Variants in ZNF317 observed in about 807,000 individuals in gnomAD.
ZNF317 encodes zinc finger protein 317.
A neutral mutation model predicts 23.4 loss-of-function variants in ZNF317; 17 were observed. The observed-to-expected ratio is 0.73, with a 90% CI of 0.50 to 1.09. ZNF317 has a LOEUF of 1.09. Ranked by LOEUF, ZNF317 falls within the 50% of genes least tolerant of loss-of-function variation. The pLI, the probability that ZNF317 is intolerant of heterozygous loss-of-function variation, is 0.00. For synonymous variants in ZNF317, 317 were observed against 314.9 expected (o/e 1.01, Z -0.07); for missense variants, 679 against 796.7 (o/e 0.85, Z 1.78).
intron 1 of ZNF317, among the ~76,000 whole-genome samples, chr19:9,145,617 A>G (rs1251378886): frequency 6.6e-6 from 1 of 152,146 alleles, no homozygotes; most frequent in Admixed American, 6.5e-5. Context: ...TCTCTCTTCA[A>G]TCTGTTTATA....
chr19:9,149,992 G>C (rs1196932249), intron 1 of ZNF317, among the ~76,000 whole-genome samples: 1 of 152,228 alleles, frequency 6.6e-6, no homozygotes, highest in African/African-American at 2.4e-5. Context: ...GGTGATGCAG[G>C]TGTGGTTTAT....
At chr19:9,141,746 AT>A (rs2050631595) in intron 1 of ZNF317, among the ~76,000 whole-genome samples, 2 of 152,206 alleles carry the variant, frequency 1.3e-5, no homozygotes, top group East Asian at 3.9e-4. Flanking sequence ...CAGTTAATTG[AT>A]TTACATCATT....
chr19:9,160,515 C>T lies in ZNF317; in HGVS notation c.870C>T (p.Leu290=), dbSNP rs1469187510. The T allele has an allele frequency of 6.2e-7, 1 of 1,614,206 alleles. No individual in the cohort carries two copies. Among genetic ancestry groups the T allele is most frequent in the Admixed American group, 1.7e-5 (1 of 60,024 alleles). ...AGTGTGGAAATGCATTCCGGACCCT[C>T]TCGGCCCTGAAAATCCACATGCGAG... ...CSQCGNAFRT[L]SALKIHMRVH... is the part of the protein sequence containing the mutation. The change falls in exon 7 of 7, where the codon CTC becomes CTT. Residue 290 remains leucine (L), a synonymous_variant. Coordinates refer to ENST00000247956, the MANE Select transcript of ZNF317 (RefSeq NM_020933.5). The surrounding 1 kb of genome is among the most constrained non-coding windows in gnomAD (Gnocchi z 6.8).
intron 1 of ZNF317, among the ~76,000 whole-genome samples, chr19:9,144,903 G>A (rs148099811): frequency 5.3e-5 from 8 of 151,820 alleles, no homozygotes; most frequent in African/African-American, 1.7e-4. Context: ...TTGTTTTTTG[G>A]TGCTCAGAAA....
Position 9,160,985 on chromosome 19 carries a change from G to A in ZNF317, c.1340G>A (p.Gly447Glu), listed in dbSNP as rs1358159085. 6.2e-7 allele frequency: 1 copy of A among 1,613,998 alleles called. No individual in the cohort carries two copies. Among genetic ancestry groups the A allele is most frequent in the African/African-American group, 1.3e-5 (1 of 74,988 alleles). The change falls in exon 7 of 7, where the codon GGG becomes GAG. Residue 447 changes from glycine (G) to glutamate (E), a missense_variant. By Grantham distance (98) the Gly-to-Glu change is moderately conservative. Transcript: ENST00000247956. This position sits in a 1 kb window ranked among gnomAD's most constrained non-coding sequence, Gnocchi z 6.8. ...TCTCACACTGGAGAGAAACCATACG[G>A]GTGCGATCTCTGCGGGAAAGCTTTC... ...MNSHTGEKPY[G>E]CDLCGKAFSA... is the part of the protein sequence containing the mutation.
intron 1 of ZNF317, among the ~76,000 whole-genome samples, chr19:9,142,614 A>G (rs952323752): frequency 2.0e-5 from 3 of 147,524 alleles, no homozygotes; most frequent in African/African-American, 5.1e-5. Flanking sequence ...TACAAAATCT[A>G]TATTGATAGT....
rs1313042908 is a variant in ZNF317 at position 9,140,470 on chromosome 19, ATTCTTTCGGCCT to A, written c.-214_-203del. The stretch of plus-strand genomic sequence containing the variant: ...TGGGCCAAGGAGGGGTCAGCGGCGA[ATTCTTTCGGCCT>A]GTTGGGGACCCCTCGTGTCCCCACG... On this transcript the variant is annotated 5_prime_UTR_variant, in exon 1 of 7. Transcript: ENST00000247956. 2 of 455,994 alleles carry A rather than the reference ATTCTTTCGGCCT, an allele frequency of 4.4e-6. No homozygotes were observed. Among genetic ancestry groups the A allele is most frequent in the Non-Finnish European group, 8.8e-6 (2 of 226,624 alleles). The allele number at this position is 455,994 out of a possible 1,614,324, so 28.2% of individuals were successfully genotyped here.
intron 1 of ZNF317, among the ~76,000 whole-genome samples, chr19:9,141,256 C>G (rs780953100): frequency 2.0e-5 from 3 of 151,960 alleles, no homozygotes; most frequent in Non-Finnish European, 4.4e-5. Context: ...ATAGGACATA[C>G]ATGCAAAAAA....
rs548559120 is a variant in ZNF317 at position 9,145,758 on chromosome 19, T to C, written c.-93+5166T>C. ...TTATCTTCTGCCCCCACGTGGTTCT[T>C]AGCTGTATTTATGTTCCTCAACTCT... On this transcript the variant is annotated intron_variant, in intron 1 of 6. Coordinates refer to ENST00000247956, the MANE Select transcript of ZNF317 (RefSeq NM_020933.5). Among the ~76,000 whole-genome samples, 103 of 152,334 alleles carry C rather than the reference T, an allele frequency of 6.8e-4. 4 individuals carry two copies. The South Asian group carries it at 0.01, about 15-fold the overall frequency.
rs1227216015 is a variant in ZNF317 at position 9,160,499 on chromosome 19, A to ATGCATTCCG, written c.855_863dup (p.Ala286_Arg288dup). On this transcript the variant is annotated inframe_insertion, in exon 7 of 7. Coordinates refer to ENST00000247956, the MANE Select transcript of ZNF317 (RefSeq NM_020933.5). The surrounding 1 kb of genome is among the most constrained non-coding windows in gnomAD (Gnocchi z 6.8). The stretch of plus-strand genomic sequence containing the variant: ...CCCTTTGACTGCAGTCAGTGTGGAA[A>ATGCATTCCG]TGCATTCCGGACCCTCTCGGCCCTG... 2 of 1,614,070 alleles carry ATGCATTCCG rather than the reference A, an allele frequency of 1.2e-6. No homozygotes were observed. Among genetic ancestry groups the ATGCATTCCG allele is most frequent in the Non-Finnish European group, 1.7e-6 (2 of 1,180,044 alleles).
intron 1 of ZNF317, among the ~76,000 whole-genome samples, chr19:9,150,551 C>G (rs2050727432): frequency 6.6e-6 from 1 of 152,050 alleles, no homozygotes; most frequent in Non-Finnish European, 1.5e-5. Flanking sequence ...ACAATGTGGA[C>G]CTGTGGGAGA....
In ZNF317 at chr19:9,160,972, G is replaced by A. The variant is rs751186575; in HGVS notation, c.1327G>A (p.Glu443Lys). 5 of 1,614,208 alleles carry A rather than the reference G, an allele frequency of 3.1e-6. No homozygotes were observed. The highest frequency in any genetic ancestry group is 4.2e-6 in the Non-Finnish European group (5 of 1,180,046). Residue 443 changes from glutamate (E) to lysine (K), a missense_variant, in exon 7 of 7, where the codon GAG becomes AAG. By Grantham distance (56) the Glu-to-Lys change is moderately conservative (BLOSUM62 1). Coordinates refer to ENST00000247956, the MANE Select transcript of ZNF317 (RefSeq NM_020933.5). This position sits in a 1 kb window ranked among gnomAD's most constrained non-coding sequence, Gnocchi z 6.8. ...LKTHMNSHTG[E>K]KPYGCDLCGK... Reference sequence around the variant, plus strand: ...GACTCACATGAACTCTCACACTGGAGAGAAACCATACGGGTGCGATCTCTG... The same window carrying A: ...GACTCACATGAACTCTCACACTGGAAAGAAACCATACGGGTGCGATCTCTG...
At chr19:9,153,109 C>T (rs1469843854) in intron 1 of ZNF317, among the ~76,000 whole-genome samples, 1 of 151,966 alleles carries the variant, frequency 6.6e-6, no homozygotes, top group Non-Finnish European at 1.5e-5. Flanking sequence ...TATTTCTTCA[C>T]TTTTGCTTTC....
At chr19:9,142,922 G>T (rs993457623) in intron 1 of ZNF317, among the ~76,000 whole-genome samples, 3 of 152,168 alleles carry the variant, frequency 2.0e-5, no homozygotes, top group African/African-American at 7.2e-5. Flanking sequence ...CATAAAATGG[G>T]ATGAGAAGTG....
At position 9,147,330 on chromosome 19, in the gene ZNF317, GTT is replaced by G. The variant is rs35259257; in HGVS notation, c.-93+6764_-93+6765del. ...TGGTGACAGCATTCCAATGACACTG[GTT>G]TTTTTTTTTTTTTTTTTTTTTTTTT... On this transcript the variant is annotated intron_variant, in intron 1 of 6. Transcript: ENST00000247956. Among the ~76,000 whole-genome samples the G allele has an allele frequency of 3.1e-3, 339 of 110,012 alleles. 1 individual carries two copies. The highest frequency in any genetic ancestry group is 5.0e-3 in the Middle Eastern group (1 of 200). The allele number at this position is 110,012 out of a possible 152,430, so 72.2% of individuals were successfully genotyped here.
Position 9,162,906 on chromosome 19 carries a change from T to A in ZNF317, c.*1473T>A, listed in dbSNP as rs2050875263. 1 of 152,190 alleles carries A rather than the reference T, an allele frequency of 6.6e-6. No homozygotes were observed. The highest frequency in any genetic ancestry group is 1.5e-5 in the Non-Finnish European group (1 of 68,038). The allele number at this position is 152,190 out of a possible 1,614,324, so 9.4% of individuals were successfully genotyped here. On this transcript the variant is annotated 3_prime_UTR_variant, in exon 7 of 7. Coordinates refer to ENST00000247956, the MANE Select transcript of ZNF317 (RefSeq NM_020933.5). ...ATGATGCCTCCATCAAGTGGTAATA[T>A]GTTTGCAGCCTGCTGTCCAGCCAAG...
In ZNF317 at chr19:9,155,992, G is replaced by A; in HGVS notation, c.-25G>A. Reference sequence around the variant, plus strand: ...CTGGTTGTCCTGGTGCCCTGCTCAGGCAAACTGACTGCCATTCTCTGAGGA... The same window carrying A: ...CTGGTTGTCCTGGTGCCCTGCTCAGACAAACTGACTGCCATTCTCTGAGGA... On this transcript the variant is annotated 5_prime_UTR_variant, in exon 2 of 7. Coordinates refer to ENST00000247956, the MANE Select transcript of ZNF317 (RefSeq NM_020933.5). The A allele has an allele frequency of 1.9e-6, 3 of 1,614,150 alleles. No homozygotes were observed. The highest frequency in any genetic ancestry group is 2.5e-6 in the Non-Finnish European group (3 of 1,180,018).
intron 1 of ZNF317, among the ~76,000 whole-genome samples, chr19:9,144,232 A>G (rs1016197532): frequency 2.0e-5 from 3 of 151,884 alleles, no homozygotes; most frequent in Non-Finnish European, 4.4e-5. Context: ...CGAACTCCCA[A>G]CCTCAGGTGA....
At chr19:9,148,402 A>T (rs925965253) in intron 1 of ZNF317, among the ~76,000 whole-genome samples, 4 of 152,204 alleles carry the variant, frequency 2.6e-5, no homozygotes, top group Non-Finnish European at 5.9e-5. Flanking sequence ...CCCTCTGGAC[A>T]CTTTGTCCTT....
Sources: allele counts gnomAD v4.1 joint callset (sites outside exome capture counted in the v4.1 genomes callset), GRCh38; gene constraint gnomAD v4.1.1; non-coding constraint Gnocchi (gnomAD v3.1); transcripts MANE v1.5; gene names NCBI Gene and HGNC (gene_info 2026-07-23, HGNC 2026-07-21).